The following CDH8 variants were observed in gnomAD, a reference collection of about 807,000 sequenced individuals.
CDH8 encodes the protein cadherin-8.
Under a neutral mutation model 68.1 loss-of-function variants are expected in CDH8, and 17 were observed. The observed-to-expected ratio is 0.25, with a 90% CI of 0.17 to 0.37. CDH8 has a LOEUF of 0.37. Ranked by LOEUF, CDH8 falls within the 10% of genes least tolerant of loss-of-function variation. The pLI is 1.00. For synonymous variants in CDH8, 372 were observed against 365.1 expected (o/e 1.02, Z -0.21); for missense variants, 763 against 999.3 (o/e 0.76, Z 3.19).
chr16:61,691,515 T>C (rs1964222416), intron 10 of CDH8, among the ~76,000 whole-genome samples: 1 of 151,940 alleles, frequency 6.6e-6, no homozygotes, highest in South Asian at 2.1e-4. Context: ...GATCCATTTG[T>C]CTGGGAACTT....
At chr16:61,997,539 A>T (rs1965824862) in intron 2 of CDH8, among the ~76,000 whole-genome samples, 1 of 152,198 alleles carries the variant, frequency 6.6e-6, no homozygotes, top group Non-Finnish European at 1.5e-5. Context: ...ATTAATGCTA[A>T]AACTATTGGA....
intron 2 of CDH8, among the ~76,000 whole-genome samples, chr16:62,014,934 G>T (rs1218510916): frequency 1.3e-5 from 2 of 151,466 alleles, no homozygotes; most frequent in African/African-American, 4.8e-5. Context: ...AGCAATATAA[G>T]GAATTGAGGA....
intron 3 of CDH8, among the ~76,000 whole-genome samples, chr16:61,890,949 A>G (rs1178316611): frequency 6.6e-6 from 1 of 152,164 alleles, no homozygotes; most frequent in Non-Finnish European, 1.5e-5. Context: ...GACAGCTCAG[A>G]CAGCCCTATA....
chr16:61,836,827 T>G (rs1311678702), intron 4 of CDH8, among the ~76,000 whole-genome samples: 1 of 151,972 alleles, frequency 6.6e-6, no homozygotes, highest in Non-Finnish European at 1.5e-5. Context: ...TTATAAAACA[T>G]TGAGATATAC....
At chr16:61,903,475 C>T (rs1165420295) in intron 2 of CDH8, among the ~76,000 whole-genome samples, 3 of 152,224 alleles carry the variant, frequency 2.0e-5, no homozygotes, top group African/African-American at 7.2e-5. Flanking sequence ...AGGCGCCCGC[C>T]ACGGCGCCCG....
intron 1 of CDH8, among the ~76,000 whole-genome samples, chr16:62,028,283 G>T (rs1902243424): frequency 6.6e-6 from 1 of 151,562 alleles, no homozygotes; most frequent in Non-Finnish European, 1.5e-5. Context: ...GGCCAGGCTG[G>T]TCTCAAACCC....
intron 8 of CDH8, among the ~76,000 whole-genome samples, chr16:61,768,313 T>C: frequency 1.6e-5 from 1 of 61,844 alleles, no homozygotes; most frequent in East Asian, 4.7e-4. Context: ...TGTCTCTCCC[T>C]TTCTCTCTCT....
intron 3 of CDH8, among the ~76,000 whole-genome samples, chr16:61,885,799 C>G (rs960482742): frequency 6.6e-6 from 1 of 151,510 alleles, no homozygotes. Context: ...AAGACATGCT[C>G]GGGAAAGGAT....
intron 2 of CDH8, among the ~76,000 whole-genome samples, chr16:61,949,225 G>A (rs1964849603): frequency 2.0e-5 from 3 of 152,132 alleles, no homozygotes; most frequent in African/African-American, 2.4e-5. Context: ...GAGCGTAGAA[G>A]GCAGCTGGAC....
Position 61,648,063 on chromosome 16 carries a change from T to G in CDH8, c.*5545A>C. On this transcript the variant is annotated 3_prime_UTR_variant, in exon 12 of 12. Coordinates refer to ENST00000577390, the MANE Select transcript of CDH8 (RefSeq NM_001796.5). Reference sequence around the variant, plus strand: ...ACTAACCTTGAGACCTAGATGAAACTTCCACACATAAAGGAAGGAGGAGAA... The same window carrying G: ...ACTAACCTTGAGACCTAGATGAAACGTCCACACATAAAGGAAGGAGGAGAA... 1.9e-6 allele frequency: 1 copy of G among 527,048 alleles called. No individual in the cohort carries two copies. Among genetic ancestry groups the G allele is most frequent in the African/African-American group, 1.9e-5 (1 of 51,488 alleles). The allele number at this position is 527,048 out of a possible 1,614,324, so 32.6% of individuals were successfully genotyped here. A position where few individuals can be genotyped will look rare whatever the true frequency, so the allele number is the denominator to read the frequency against.
At chr16:61,852,708 G>A (rs1172545341) in intron 4 of CDH8, among the ~76,000 whole-genome samples, 1 of 152,014 alleles carries the variant, frequency 6.6e-6, no homozygotes, top group African/African-American at 2.4e-5. Flanking sequence ...TTCCCTAGAT[G>A]TTTCCTCTTA....
intron 2 of CDH8, among the ~76,000 whole-genome samples, chr16:61,969,855 G>A (rs889677120): frequency 3.3e-5 from 5 of 152,192 alleles, no homozygotes; most frequent in Admixed American, 2.0e-4. Flanking sequence ...AGAGATAGGT[G>A]TGTGACTCAA....
chr16:61,711,864 G>A (rs928378174), intron 10 of CDH8, among the ~76,000 whole-genome samples: 1 of 151,600 alleles, frequency 6.6e-6, no homozygotes, highest in African/African-American at 2.4e-5. Context: ...ACATGTCCCA[G>A]TAGAAACAAT....
intron 5 of CDH8, among the ~76,000 whole-genome samples, chr16:61,824,194 G>T (rs1176597706): frequency 6.6e-6 from 1 of 151,846 alleles, no homozygotes; most frequent in Non-Finnish European, 1.5e-5. Context: ...AGCCCTGCCT[G>T]ATCTTACTTA....
At chr16:62,002,482 T>A (rs551680758) in intron 2 of CDH8, among the ~76,000 whole-genome samples, 45 of 152,220 alleles carry the variant, frequency 3.0e-4, no homozygotes, top group African/African-American at 1.0e-3. Context: ...TCATATGGAG[T>A]TTGTGAGCAT....
intron 7 of CDH8, among the ~76,000 whole-genome samples, chr16:61,790,378 T>C (rs1330548145): frequency 6.6e-6 from 1 of 152,052 alleles, no homozygotes; most frequent in East Asian, 1.9e-4. Flanking sequence ...CTGGACCCAA[T>C]AATCTTTAAG....
intron 10 of CDH8, among the ~76,000 whole-genome samples, chr16:61,661,267 G>A (rs954523207): frequency 1.3e-5 from 2 of 151,812 alleles, no homozygotes; most frequent in Non-Finnish European, 2.9e-5. Flanking sequence ...CTAACACTGT[G>A]GAACACTCAA....
intron 9 of CDH8, among the ~76,000 whole-genome samples, chr16:61,716,217 T>C (rs1013476314): frequency 6.6e-6 from 1 of 151,674 alleles, no homozygotes; most frequent in African/African-American, 2.4e-5. Context: ...CCATTCATAC[T>C]ATTTTCAAGT....
In CDH8 at chr16:61,758,948, C is replaced by T. The variant is rs140327465; in HGVS notation, c.1414+30398G>A. On this transcript the variant is annotated intron_variant, in intron 8 of 11. Coordinates refer to ENST00000577390, the MANE Select transcript of CDH8 (RefSeq NM_001796.5). ...GGTGTGAAAAATCTGACTTTGGTGA[C>T]GCCATTGAGCAGTAGGATATAACGA... Among the ~76,000 whole-genome samples, 838 of 152,102 alleles carry T rather than the reference C, an allele frequency of 5.5e-3. 6 individuals carry two copies. Among genetic ancestry groups the T allele is most frequent in the African/African-American group, 0.019 (806 of 41,502 alleles).
Sources: allele counts gnomAD v4.1 joint callset (sites outside exome capture counted in the v4.1 genomes callset), GRCh38; gene constraint gnomAD v4.1.1; transcripts MANE v1.5; gene names NCBI Gene and HGNC (gene_info 2026-07-23, HGNC 2026-07-21).